Variants in CHRNA7 observed in about 807,000 individuals in gnomAD.
The protein encoded by CHRNA7 is neuronal acetylcholine receptor subunit alpha-7.
In CHRNA7, 17 loss-of-function variants were observed where a neutral mutation model predicts 48.0. That is an observed-to-expected ratio of 0.35 (90% CI 0.24 to 0.53). The LOEUF is 0.53. Among genes scored for constraint, CHRNA7 ranks in the 20% least tolerant of loss-of-function variants. The pLI, the probability that CHRNA7 is intolerant of heterozygous loss-of-function variation, is 0.92. For synonymous variants in CHRNA7, 75 were observed against 242.3 expected, an observed-to-expected ratio of 0.31 and a Z score of 6.41; for missense variants, 155 against 577.7, an observed-to-expected ratio of 0.27 and a Z score of 7.50.
intron 2 of CHRNA7, among the ~76,000 whole-genome samples, chr15:32,053,386 T>C (rs1595390690): frequency 6.6e-6 from 1 of 152,232 alleles, no homozygotes; most frequent in East Asian, 1.9e-4. Flanking sequence ...AGGTAGTGTT[T>C]TACTCCTCCT....
intron 2 of CHRNA7, among the ~76,000 whole-genome samples, chr15:32,047,814 A>G (rs2049582145): frequency 1.3e-5 from 2 of 152,196 alleles, no homozygotes; most frequent in South Asian, 4.1e-4. Flanking sequence ...GGTTTGTCAT[A>G]GATAGCTCTT....
At chr15:32,101,670 T>TC (rs2050576197) in intron 3 of CHRNA7, 1 of 250,290 alleles carries the variant, frequency 4.0e-6, no homozygotes, top group Non-Finnish European at 7.4e-6. Flanking sequence ...CCACAGCCAG[T>TC]CCCCAGGACT....
intron 2 of CHRNA7, among the ~76,000 whole-genome samples, chr15:32,063,443 T>C (rs1378983040): frequency 1.3e-5 from 2 of 152,184 alleles, no homozygotes; most frequent in Admixed American, 1.3e-4. Flanking sequence ...AAAAGTTACA[T>C]AGGACAAAGT....
chr15:32,091,006 A>G (rs1448403921), intron 2 of CHRNA7, among the ~76,000 whole-genome samples: 3 of 151,958 alleles, frequency 2.0e-5, no homozygotes, highest in Admixed American at 2.0e-4. Context: ...GTTCTTTCCA[A>G]TTCATTGTTT....
chr15:32,087,555 T>A (rs967186819), intron 2 of CHRNA7, among the ~76,000 whole-genome samples: 1 of 152,208 alleles, frequency 6.6e-6, no homozygotes, highest in Non-Finnish European at 1.5e-5. Flanking sequence ...TATATAGTAG[T>A]TCATATATAC....
chr15:32,148,186 G>A (rs551284302), intron 4 of CHRNA7, among the ~76,000 whole-genome samples: 1 of 152,322 alleles, frequency 6.6e-6, no homozygotes, highest in African/African-American at 2.4e-5. Context: ...AGGACAGAGT[G>A]CCTGGATTTC....
chr15:32,134,441 A>AGCCACCACACCTGGCCTGC (rs2051211487), intron 4 of CHRNA7, among the ~76,000 whole-genome samples: 2 of 152,308 alleles, frequency 1.3e-5, no homozygotes, highest in African/African-American at 4.8e-5. Flanking sequence ...TTCAGGCGTG[A>AGCCACCACACCTGGCCTGC]GCCACCACAC....
At chr15:32,126,453 T>C (rs1472333091) in intron 4 of CHRNA7, among the ~76,000 whole-genome samples, 1 of 152,188 alleles carries the variant, frequency 6.6e-6, no homozygotes, top group Non-Finnish European at 1.5e-5. Flanking sequence ...GACTTCAGGT[T>C]GAGGGCAAGG....
intron 4 of CHRNA7, 101 bp downstream of exon 4, chr15:32,112,000 A>G (rs1566846987): frequency 2.4e-6 from 2 of 817,640 alleles, no homozygotes; most frequent in South Asian, 3.0e-5. Flanking sequence ...TATGTTATCT[A>G]TGATCTGGGG....
intron 4 of CHRNA7, among the ~76,000 whole-genome samples, chr15:32,143,449 G>C (rs1310287504): frequency 1.3e-5 from 2 of 152,174 alleles, no homozygotes. Flanking sequence ...ACTTGGGGCA[G>C]AGCTAAGTTC....
chr15:32,122,815 A>G (rs962244185), intron 4 of CHRNA7, among the ~76,000 whole-genome samples: 3 of 151,454 alleles, frequency 2.0e-5, no homozygotes, highest in Non-Finnish European at 2.9e-5. Flanking sequence ...AAAAAGAGAC[A>G]TATGTCTTGA....
rs548952317 is a variant in CHRNA7 at position 32,035,978 on chromosome 15, A to C, written c.195+4941A>C. Among the ~76,000 whole-genome samples the C allele has an allele frequency of 7.9e-5, 12 of 152,256 alleles. No individual in the cohort carries two copies. The South Asian group carries it at 1.7e-3, about 21-fold the overall frequency. The stretch of plus-strand genomic sequence containing the variant: ...AGAAGGTTCCCTCTTGGTTTTGTAT[A>C]ATCTATGGGTTTGGGCAAATGTATA... On this transcript the variant is annotated intron_variant, in intron 2 of 9. Transcript: ENST00000306901.
chr15:32,144,703 G>A (rs1003818104), intron 4 of CHRNA7, among the ~76,000 whole-genome samples: 9 of 151,996 alleles, frequency 5.9e-5, no homozygotes, highest in Non-Finnish European at 1.0e-4. Context: ...CCACTTGATC[G>A]AATCGGCTAT....
In CHRNA7 at chr15:32,063,365, A is replaced by G. The variant is rs200929206; in HGVS notation, c.195+32328A>G. Among the ~76,000 whole-genome samples the G allele has an allele frequency of 1.1e-4, 17 of 152,352 alleles. No homozygotes were observed. The East Asian group carries it at 3.3e-3, about 29-fold the overall frequency. On this transcript the variant is annotated intron_variant, in intron 2 of 9. Coordinates refer to ENST00000306901, the MANE Select transcript of CHRNA7 (RefSeq NM_000746.6). ...GCTGTCCATAGTTCCCTGAAATGTC[A>G]TTATGTGACACATAATTGTCCTTGT...
At chr15:32,065,089 T>C (rs572205275) in intron 2 of CHRNA7, among the ~76,000 whole-genome samples, 1 of 152,128 alleles carries the variant, frequency 6.6e-6, no homozygotes, top group Non-Finnish European at 1.5e-5. Flanking sequence ...AGAAATAAAC[T>C]AAGAGGAGAC....
At chr15:32,065,701 A>AGGGCTGTCAGCTGCC (rs1483404061) in intron 2 of CHRNA7, among the ~76,000 whole-genome samples, 1 of 152,286 alleles carries the variant, frequency 6.6e-6, no homozygotes, top group East Asian at 1.9e-4. Context: ...AGGCTAAAGC[A>AGGGCTGTCAGCTGCC]GGGCTGTCAG....
At chr15:32,116,386 G>A (rs147729288) in intron 4 of CHRNA7, among the ~76,000 whole-genome samples, 1 of 152,340 alleles carries the variant, frequency 6.6e-6, no homozygotes, top group African/African-American at 2.4e-5. Flanking sequence ...GTATTTCCTT[G>A]ATGGGTGGGT....
chr15:32,065,148 C>T (rs1432666140), intron 2 of CHRNA7, among the ~76,000 whole-genome samples: 2 of 152,128 alleles, frequency 1.3e-5, no homozygotes, highest in Non-Finnish European at 2.9e-5. Flanking sequence ...TAAAAATAGG[C>T]CGAATCTTGG....
rs2050811395 is a variant in CHRNA7 at position 32,114,031 on chromosome 15, T to TATATATATATGTATATATATATATATAC, written c.350+2142_350+2143insGTATATATATATATATACATATATATAT. On this transcript the variant is annotated intron_variant, in intron 4 of 9. Coordinates refer to ENST00000306901, the MANE Select transcript of CHRNA7 (RefSeq NM_000746.6). The stretch of plus-strand genomic sequence containing the variant: ...GATGCTATCTCCAAATATATATATA[T>TATATATATATGTATATATATATATATAC]ATATATATATATGTATATATATATA... 6.4e-5 allele frequency among the ~76,000 whole-genome samples: 6 copies of TATATATATATGTATATATATATATATAC among 93,538 alleles called. No homozygotes were observed. The South Asian group carries it at 2.4e-3, about 38-fold the overall frequency. 61.4% of individuals were successfully genotyped at this position (93,538 alleles called of 152,430 possible). A position where few individuals can be genotyped will look rare whatever the true frequency, so the allele number is the denominator to read the frequency against.
Sources: allele counts gnomAD v4.1 joint callset (sites outside exome capture counted in the v4.1 genomes callset), GRCh38; gene constraint gnomAD v4.1.1; transcripts MANE v1.5; gene names NCBI Gene and HGNC (gene_info 2026-07-23, HGNC 2026-07-21).